The following ANK3 variants were observed in gnomAD, a reference collection of about 807,000 sequenced individuals.
The protein encoded by ANK3 is ankyrin 3.
In ANK3, 57 loss-of-function variants were observed where a neutral mutation model predicts 370.9. The observed-to-expected ratio is 0.15, with a 90% CI of 0.12 to 0.19. ANK3 has a LOEUF of 0.19. ANK3 is among the 10% of genes least tolerant of loss of function. ANK3 has a pLI of 1.00. For missense variants in ANK3, 4,439 were observed against 5,302.1 expected, an observed-to-expected ratio of 0.84 and a Z score of 5.06; for synonymous variants, 1,929 against 1,946.3, an observed-to-expected ratio of 0.99 and a Z score of 0.23.
rs2096588029 is a variant in ANK3, at chr10:60,196,541, C to T, written c.1774G>A (p.Asp592Asn). Residue 592 changes from aspartate (D) to asparagine (N), a missense_variant, in exon 15 of 44, where the codon GAT becomes AAT. Coordinates refer to ENST00000280772, the MANE Select transcript of ANK3 (RefSeq NM_020987.5). ...TGACCTCTTACCTTCCCAGCAGCAT[C>T]TGGAGATGCACTTTTCTGTAGCAGG... ...NLLLQKSASP[D>N]AAGKSGLTPL... The T allele has an allele frequency of 3.1e-6, 5 of 1,612,556 alleles. No individual in the cohort carries two copies. Among genetic ancestry groups the T allele is most frequent in the Non-Finnish European group, 3.4e-6 (4 of 1,179,338 alleles).
At chr10:60,598,660 A>G (rs1022160021) in intron 2 of ANK3, among the ~76,000 whole-genome samples, 1 of 152,222 alleles carries the variant, frequency 6.6e-6, no homozygotes, top group Non-Finnish European at 1.5e-5. Context: ...AGTATTTTGC[A>G]TGAAAGTAAC....
chr10:60,301,091 G>GA (rs1230619722), intron 1 of ANK3, among the ~76,000 whole-genome samples: 8 of 145,666 alleles, frequency 5.5e-5, no homozygotes, highest in African/African-American at 7.7e-5. Flanking sequence ...CCGGGTGGGA[G>GA]AAAAAAACCA....
intron 11 of ANK3, 38 bp from the exon 12 acceptor site, chr10:60,203,138 A>G (rs1409276793): frequency 6.6e-7 from 1 of 1,513,414 alleles, no homozygotes. Context: ...TTGTTGGCTT[A>G]GCATAAAAAA....
intron 1 of ANK3, among the ~76,000 whole-genome samples, chr10:60,354,037 C>T (rs1025735048): frequency 1.3e-5 from 2 of 152,258 alleles, no homozygotes; most frequent in Non-Finnish European, 2.9e-5. Context: ...GCATTGTATA[C>T]TATCTATCAA....
intron 1 of ANK3, among the ~76,000 whole-genome samples, chr10:60,361,928 G>A (rs1388346769): frequency 6.6e-6 from 1 of 151,514 alleles, no homozygotes; most frequent in Non-Finnish European, 1.5e-5. Context: ...ACATACACAC[G>A]GTTTCAAAAA....
At chr10:60,639,668 C>A (rs1349328728) in intron 1 of ANK3, among the ~76,000 whole-genome samples, 1 of 151,710 alleles carries the variant, frequency 6.6e-6, no homozygotes, top group African/African-American at 2.4e-5. Context: ...ATACATAGAG[C>A]AATCCATAGA....
At position 60,059,355 on chromosome 10, in the gene ANK3, T is replaced by C. The variant is rs1239851710; in HGVS notation, c.12671A>G (p.Asp4224Gly). Residue 4224 changes from aspartate (D) to glycine (G), a missense_variant, in exon 41 of 44, where the codon GAT becomes GGT. By Grantham distance (94) the Asp-to-Gly change is moderately conservative (BLOSUM62 -1). Around this residue, in one of 13 missense-constraint regions of ANK3, gnomAD observed 242 missense variants for 228.0 expected, o/e 1.06. Transcript: ENST00000280772. Reference sequence around the variant, plus strand: ...ACAGCCATACCTGTCATCCAGTCGATCTAGTAACCCACCAGTTACTCTTCG... The same window carrying C: ...ACAGCCATACCTGTCATCCAGTCGACCTAGTAACCCACCAGTTACTCTTCG... ...QARRVTGGLL[D>G]RLDDSPDQCR... The C allele has an allele frequency of 6.2e-7, 1 of 1,613,890 alleles. No individual in the cohort carries two copies. Among genetic ancestry groups the C allele is most frequent in the South Asian group, 1.1e-5 (1 of 91,076 alleles).
At chr10:60,409,231 C>A (rs1467472270) in intron 2 of ANK3, among the ~76,000 whole-genome samples, 1 of 152,174 alleles carries the variant, frequency 6.6e-6, no homozygotes, top group Non-Finnish European at 1.5e-5. Context: ...CTTGCAAGTT[C>A]AGTTCATGAA....
chr10:60,726,624 C>T (rs1264872022), intron 1 of ANK3, among the ~76,000 whole-genome samples: 1 of 152,136 alleles, frequency 6.6e-6, no homozygotes, highest in African/African-American at 2.4e-5. Flanking sequence ...CTTCCTAACT[C>T]TAAAACCATG....
intron 2 of ANK3, among the ~76,000 whole-genome samples, chr10:60,517,517 G>A (rs569484947): frequency 2.0e-5 from 3 of 152,210 alleles, no homozygotes; most frequent in South Asian, 2.1e-4. Context: ...TTGGGGCCAC[G>A]TGTATGTATT....
At chr10:60,533,858 A>T (rs1016087446) in intron 2 of ANK3, among the ~76,000 whole-genome samples, 1 of 152,158 alleles carries the variant, frequency 6.6e-6, no homozygotes, top group African/African-American at 2.4e-5. Flanking sequence ...TATCCATTAG[A>T]ATATCAACAA....
At chr10:60,673,744 T>G (rs1444212471) in intron 1 of ANK3, among the ~76,000 whole-genome samples, 1 of 152,156 alleles carries the variant, frequency 6.6e-6, no homozygotes, top group Non-Finnish European at 1.5e-5. Context: ...TAACCTTCTT[T>G]TGAGTGCTGC....
At chr10:60,176,303 T>C (rs1213998860) in intron 18 of ANK3, among the ~76,000 whole-genome samples, 1 of 143,792 alleles carries the variant, frequency 7.0e-6, no homozygotes, top group Non-Finnish European at 1.5e-5. Flanking sequence ...AAGCTGATGC[T>C]GCAGTGAGCC....
upstream of ANK3, among the ~76,000 whole-genome samples, chr10:60,392,251 A>G (rs1327938926): frequency 6.6e-6 from 1 of 152,216 alleles, no homozygotes; most frequent in African/African-American, 2.4e-5. Context: ...GAAAGCCTTT[A>G]TTATAGCTGA....
intron 1 of ANK3, among the ~76,000 whole-genome samples, chr10:60,706,910 C>A (rs563746800): frequency 6.6e-6 from 1 of 152,180 alleles, no homozygotes; most frequent in South Asian, 2.1e-4. Context: ...AATTCCCTGG[C>A]ATACTTTGAA....
At position 60,234,141 on chromosome 10, in the gene ANK3, C is replaced by T. The variant is rs182503169; in HGVS notation, c.897+547G>A. On this transcript the variant is annotated intron_variant, in intron 8 of 43. Coordinates refer to ENST00000280772, the MANE Select transcript of ANK3 (RefSeq NM_020987.5). ...AAATTTTTAAATTCATTCATCTGTC[C>T]ATGAACATTTGGGCTGCTTTTACCT... 3.3e-4 allele frequency among the ~76,000 whole-genome samples: 50 copies of T among 152,286 alleles called. 2 individuals are homozygous for T. In the East Asian group the frequency reaches 5.8e-3, roughly 18 times the overall value.
intron 1 of ANK3, among the ~76,000 whole-genome samples, chr10:60,378,132 C>G (rs1319287508): frequency 6.6e-6 from 1 of 152,126 alleles, no homozygotes; most frequent in Non-Finnish European, 1.5e-5. Context: ...GCCTGTGAGA[C>G]TTTTCTATCC....
intron 7 of ANK3, among the ~76,000 whole-genome samples, chr10:60,236,899 T>C (rs1039256541): frequency 1.1e-4 from 17 of 152,228 alleles, no homozygotes; most frequent in African/African-American, 3.1e-4. Flanking sequence ...AACTCTGCCA[T>C]TGCAGCACAA....
At chr10:60,137,833 T>C (rs1232842790) in intron 24 of ANK3, among the ~76,000 whole-genome samples, 1 of 152,132 alleles carries the variant, frequency 6.6e-6, no homozygotes, top group Non-Finnish European at 1.5e-5. Flanking sequence ...GCTATAAATC[T>C]CTACAATTTA....
Sources: gnomAD v4.1 joint callset for allele counts (sites outside exome capture counted in the v4.1 genomes callset) on GRCh38, gnomAD v4.1.1 for gene constraint, gnomAD v4.1.1 regional missense constraint, MANE v1.5 for transcripts, NCBI Gene and HGNC (gene_info 2026-07-23, HGNC 2026-07-21) for gene names.